Variants in TAS2R1 observed in about 807,000 individuals in gnomAD.
The protein encoded by TAS2R1 is taste 2 receptor member 1.
For missense variants in TAS2R1, 370 were observed against 353.4 expected, an observed-to-expected ratio of 1.05 and a Z score of -0.38; for synonymous variants, 141 against 134.2, an observed-to-expected ratio of 1.05 and a Z score of -0.35.
At chr5:9,638,942 A>T (rs1365340489) in intron 2 of TAS2R1, among the ~76,000 whole-genome samples, 2 of 152,174 alleles carry the variant, frequency 1.3e-5, no homozygotes, top group Non-Finnish European at 2.9e-5. Context: ...GCTCCCACAC[A>T]GTTGGTGAGG....
the TAS2R1 span, among the ~76,000 whole-genome samples, chr5:9,810,980 G>A: frequency 1.3e-5 from 2 of 152,232 alleles, no homozygotes; most frequent in South Asian, 2.1e-4. Flanking sequence ...GGTTCCTATC[G>A]CATGACCTCA....
intron 1 of TAS2R1, among the ~76,000 whole-genome samples, chr5:9,673,757 G>T (rs1426144338): frequency 6.6e-6 from 1 of 152,010 alleles, no homozygotes; most frequent in African/African-American, 2.4e-5. Context: ...AAGGCAATAG[G>T]GCAAGGAATT....
At chr5:9,738,038 G>A in the TAS2R1 span, among the ~76,000 whole-genome samples, 1 of 152,158 alleles carries the variant, frequency 6.6e-6, no homozygotes, top group Non-Finnish European at 1.5e-5. Flanking sequence ...CCTGGATGAA[G>A]AACTACGTTC....
chr5:9,841,101 T>C, the TAS2R1 span, among the ~76,000 whole-genome samples: 1 of 152,156 alleles, frequency 6.6e-6, no homozygotes, highest in African/African-American at 2.4e-5. Flanking sequence ...ATCATATTCA[T>C]TTAGAAGTCA....
At chr5:9,789,167 C>T in the TAS2R1 span, among the ~76,000 whole-genome samples, 1 of 152,148 alleles carries the variant, frequency 6.6e-6, no homozygotes, top group Non-Finnish European at 1.5e-5. Flanking sequence ...CGGGCATCAA[C>T]CCAGGAGCCT....
chr5:9,853,920 G>C, the TAS2R1 span, among the ~76,000 whole-genome samples: 2 of 152,188 alleles, frequency 1.3e-5, no homozygotes, highest in African/African-American at 4.8e-5. Flanking sequence ...AAATTGAAAG[G>C]GTTCTTCCTG....
intron 1 of TAS2R1, among the ~76,000 whole-genome samples, chr5:9,704,246 T>G (rs28353): frequency 0.19 from 28,499 of 152,044 alleles, 3,231 homozygotes; most frequent in Admixed American, 0.31. Flanking sequence ...TGTTATGTTC[T>G]TCTCAATTTT....
At chr5:9,772,443 T>C in the TAS2R1 span, among the ~76,000 whole-genome samples, 2 of 152,150 alleles carry the variant, frequency 1.3e-5, no homozygotes, top group Admixed American at 1.3e-4. Context: ...TCCTTGAGAA[T>C]GATCTTTGCG....
At chr5:9,739,893 A>G in the TAS2R1 span, among the ~76,000 whole-genome samples, 1 of 152,228 alleles carries the variant, frequency 6.6e-6, no homozygotes, top group Non-Finnish European at 1.5e-5. Flanking sequence ...TTATATAATC[A>G]GTGGCATTTT....
At chr5:9,707,737 G>A (rs1050430932) in intron 1 of TAS2R1, among the ~76,000 whole-genome samples, 3 of 152,026 alleles carry the variant, frequency 2.0e-5, no homozygotes, top group Admixed American at 1.3e-4. Context: ...CTCGGTGCAA[G>A]CCCTCCCCCA....
At chr5:9,772,419 T>C in the TAS2R1 span, among the ~76,000 whole-genome samples, 1 of 152,124 alleles carries the variant, frequency 6.6e-6, no homozygotes, top group African/African-American at 2.4e-5. Flanking sequence ...TTTTGTGACC[T>C]TATATGTGGT....
chr5:9,718,332 A>G, the TAS2R1 span, among the ~76,000 whole-genome samples: 1 of 152,172 alleles, frequency 6.6e-6, no homozygotes, highest in Non-Finnish European at 1.5e-5. Flanking sequence ...TGCAAATAGA[A>G]GAATTAATGT....
intron 1 of TAS2R1, among the ~76,000 whole-genome samples, chr5:9,691,024 A>G (rs116293427): frequency 0.031 from 4,784 of 152,318 alleles, 97 homozygotes; most frequent in African/African-American, 0.057. Flanking sequence ...CTGCACTGTC[A>G]TGGGTTGGAT....
the TAS2R1 span, among the ~76,000 whole-genome samples, chr5:9,869,858 A>C: frequency 6.6e-6 from 1 of 152,240 alleles, no homozygotes; most frequent in African/African-American, 2.4e-5. Context: ...TTTCTAGTGA[A>C]TCATCAAACC....
chr5:9,727,739 C>T, the TAS2R1 span, among the ~76,000 whole-genome samples: 23 of 152,266 alleles, frequency 1.5e-4, no homozygotes, highest in Admixed American at 7.8e-4. Flanking sequence ...TAGATGGTAA[C>T]GAAGCTGCAA....
chr5:9,769,455 A>G, the TAS2R1 span, among the ~76,000 whole-genome samples: 5 of 152,154 alleles, frequency 3.3e-5, no homozygotes, highest in Non-Finnish European at 1.5e-5. Flanking sequence ...GATTATATAA[A>G]GGTTCTATTT....
the TAS2R1 span, chr5:9,902,604 TG>T: frequency 1.3e-5 from 2 of 152,076 alleles, no homozygotes; most frequent in African/African-American, 4.8e-5. Context: ...GGCAAACTTC[TG>T]CCCCACAAAC....
the TAS2R1 span, among the ~76,000 whole-genome samples, chr5:9,747,625 A>G: frequency 6.6e-6 from 1 of 152,124 alleles, no homozygotes. Context: ...CGCCTCCATG[A>G]CCCAAACACC....
the TAS2R1 span, among the ~76,000 whole-genome samples, chr5:9,741,069 T>C: frequency 6.6e-6 from 1 of 152,334 alleles, no homozygotes; most frequent in East Asian, 1.9e-4. Context: ...TATTTCTCTC[T>C]TCCCATGCCA....
Sources: allele counts gnomAD v4.1 joint callset (sites outside exome capture counted in the v4.1 genomes callset), GRCh38; gene constraint gnomAD v4.1.1; transcripts MANE v1.5; gene names NCBI Gene and HGNC (gene_info 2026-07-23, HGNC 2026-07-21).